The following AFG2A variants were observed in gnomAD, a reference collection of about 807,000 sequenced individuals.
The protein encoded by AFG2A is ATPase family gene 2 protein homolog A.
At chr4:123,102,752 A>T in the AFG2A span, among the ~76,000 whole-genome samples, 1 of 151,780 alleles carries the variant, frequency 6.6e-6, no homozygotes, top group South Asian at 2.1e-4. Context: ...TTTAAAGTAC[A>T]TAAAGAGTAT....
chr4:123,081,886 T>C, the AFG2A span, among the ~76,000 whole-genome samples: 1 of 152,190 alleles, frequency 6.6e-6, no homozygotes, highest in African/African-American at 2.4e-5. Context: ...AGTTCCCTAA[T>C]AATATATGAT....
At chr4:123,016,242 C>T in the AFG2A span, among the ~76,000 whole-genome samples, 3 of 146,268 alleles carry the variant, frequency 2.1e-5, no homozygotes, top group African/African-American at 5.1e-5. Context: ...CCGGACGGGG[C>T]GGCTGGCCGG....
the AFG2A span, among the ~76,000 whole-genome samples, chr4:123,255,711 TTTTCTA>T: frequency 9.1e-6 from 1 of 110,068 alleles, no homozygotes; most frequent in Admixed American, 1.3e-4. Flanking sequence ...TAAGTACTGC[TTTTCTA>T]TTTTTTTTTT....
chr4:122,935,592 T>C, the AFG2A span: 1 of 1,182,214 alleles, frequency 8.5e-7, no homozygotes, highest in South Asian at 2.2e-5. Flanking sequence ...GAGAAAAAAC[T>C]CTTGACTCTT....
At chr4:122,978,283 C>T in the AFG2A span, among the ~76,000 whole-genome samples, 2 of 152,134 alleles carry the variant, frequency 1.3e-5, no homozygotes, top group African/African-American at 4.8e-5. Flanking sequence ...GAGAGGAGAC[C>T]CGGAGTGGGT....
At chr4:123,260,410 A>T in the AFG2A span, among the ~76,000 whole-genome samples, 1 of 152,210 alleles carries the variant, frequency 6.6e-6, no homozygotes, top group Admixed American at 6.5e-5. Flanking sequence ...CCAGCTTGAC[A>T]TTTAAAAAAT....
the AFG2A span, among the ~76,000 whole-genome samples, chr4:123,018,381 T>C: frequency 1.3e-5 from 2 of 152,212 alleles, no homozygotes; most frequent in African/African-American, 4.8e-5. Context: ...AATTTTACGG[T>C]AGTTATGATA....
At chr4:122,932,111 A>T in the AFG2A span, among the ~76,000 whole-genome samples, 1 of 151,704 alleles carries the variant, frequency 6.6e-6, no homozygotes, top group Non-Finnish European at 1.5e-5. Flanking sequence ...TACAAAAAAT[A>T]TATATGTATA....
the AFG2A span, among the ~76,000 whole-genome samples, chr4:122,929,702 G>T: frequency 6.6e-6 from 1 of 150,550 alleles, no homozygotes; most frequent in Non-Finnish European, 1.5e-5. Context: ...GTGTCTCAAA[G>T]AAAAAAAAAG....
the AFG2A span, among the ~76,000 whole-genome samples, chr4:123,286,200 C>T: frequency 6.6e-6 from 1 of 152,116 alleles, no homozygotes; most frequent in Non-Finnish European, 1.5e-5. Flanking sequence ...TCTTAAAAGT[C>T]AGAGCTGGTA....
chr4:123,058,898 C>G, the AFG2A span, among the ~76,000 whole-genome samples: 1 of 152,166 alleles, frequency 6.6e-6, no homozygotes, highest in East Asian at 1.9e-4. Flanking sequence ...TAACTCATTT[C>G]AGCATTAACT....
chr4:123,246,823 G>A, the AFG2A span, among the ~76,000 whole-genome samples: 1 of 152,040 alleles, frequency 6.6e-6, no homozygotes, highest in African/African-American at 2.4e-5. Flanking sequence ...TTTCTTCTTT[G>A]CTTATAATAT....
chr4:123,283,553 GA>G, the AFG2A span, among the ~76,000 whole-genome samples: 1 of 152,300 alleles, frequency 6.6e-6, no homozygotes, highest in Non-Finnish European at 1.5e-5. Context: ...ATGTAATGGG[GA>G]GTTAACTGTC....
chr4:123,028,436 T>TC, the AFG2A span: 54 of 1,541,564 alleles, frequency 3.5e-5, 1 homozygote, highest in Non-Finnish European at 4.2e-5. Context: ...TCTCTTGGCC[T>TC]CCCCCAACCC....
the AFG2A span, among the ~76,000 whole-genome samples, chr4:122,986,963 C>T: frequency 2.6e-5 from 4 of 151,980 alleles, no homozygotes; most frequent in Non-Finnish European, 2.9e-5. Flanking sequence ...TTACTCCCTT[C>T]GGTTCTTTTA....
chr4:123,089,278 A>T, the AFG2A span, among the ~76,000 whole-genome samples: 4 of 152,220 alleles, frequency 2.6e-5, no homozygotes, highest in East Asian at 7.7e-4. Context: ...TTATTATTAA[A>T]TATATTACAT....
At chr4:123,171,606 G>A in the AFG2A span, among the ~76,000 whole-genome samples, 63 of 152,142 alleles carry the variant, frequency 4.1e-4, no homozygotes, top group Non-Finnish European at 7.5e-4. Context: ...TTTTCACATT[G>A]TATTTTGTTT....
chr4:123,150,450 C>T, the AFG2A span, among the ~76,000 whole-genome samples: 1 of 152,154 alleles, frequency 6.6e-6, no homozygotes, highest in Non-Finnish European at 1.5e-5. Flanking sequence ...AATCAATGTG[C>T]AAAGATCACA....
chr4:122,977,039 T>C, the AFG2A span, among the ~76,000 whole-genome samples: 1 of 152,206 alleles, frequency 6.6e-6, no homozygotes, highest in African/African-American at 2.4e-5. Flanking sequence ...TCTTCCAACC[T>C]CTCATCCCCT....
Sources: gnomAD v4.1 joint callset for allele counts (sites outside exome capture counted in the v4.1 genomes callset) on GRCh38, gnomAD v4.1.1 for gene constraint, MANE v1.5 for transcripts, NCBI Gene and HGNC (gene_info 2026-07-23, HGNC 2026-07-21) for gene names.